Variants in PCSK5 observed in about 807,000 individuals in gnomAD.
PCSK5 encodes prohormone convertase 5.
Under a neutral mutation model 233.2 loss-of-function variants are expected in PCSK5, and 129 were observed. The observed-to-expected ratio is 0.55, with a 90% CI of 0.48 to 0.64. PCSK5 has a LOEUF of 0.64. Among genes scored for constraint, PCSK5 ranks in the 30% least tolerant of loss-of-function variants. The pLI is 0.00. For synonymous variants in PCSK5, 825 were observed against 879.2 expected (o/e 0.94, Z 1.09); for missense variants, 2,076 against 2,430.1 (o/e 0.85, Z 3.06).
At chr9:76,094,835 C>T (rs1261465634) in intron 7 of PCSK5, among the ~76,000 whole-genome samples, 1 of 152,134 alleles carries the variant, frequency 6.6e-6, no homozygotes, top group Non-Finnish European at 1.5e-5. Flanking sequence ...GTCTTGAACT[C>T]CTGACCTCAG....
chr9:76,195,930 G>T (rs1377047717), intron 20 of PCSK5: 3 of 152,118 alleles, frequency 2.0e-5, no homozygotes, highest in Non-Finnish European at 4.4e-5. Context: ...CTCTGAAAGG[G>T]TAAGGTCATG....
intron 6 of PCSK5, among the ~76,000 whole-genome samples, chr9:76,070,148 C>T (rs1368394169): frequency 2.0e-5 from 3 of 152,008 alleles, no homozygotes; most frequent in Admixed American, 2.0e-4. Flanking sequence ...ATATAGGTGC[C>T]CACCACTGCG....
chr9:76,167,981 A>G (rs1464368670), intron 12 of PCSK5, among the ~76,000 whole-genome samples: 1 of 151,714 alleles, frequency 6.6e-6, no homozygotes, highest in African/African-American at 2.4e-5. Flanking sequence ...CTCTTTTTTT[A>G]TTTTTTTCAG....
intron 24 of PCSK5, among the ~76,000 whole-genome samples, chr9:76,266,927 G>GA (rs943597712): frequency 1.5e-4 from 23 of 151,906 alleles, no homozygotes; most frequent in African/African-American, 3.6e-4. Flanking sequence ...TGTAAACCTG[G>GA]AAAAAAAATA....
At chr9:76,098,076 A>G (rs1269784072) in intron 8 of PCSK5, among the ~76,000 whole-genome samples, 3 of 152,164 alleles carry the variant, frequency 2.0e-5, no homozygotes, top group Non-Finnish European at 4.4e-5. Flanking sequence ...CTTAATCCAC[A>G]TCCATTCTAT....
rs377466528 is a variant in PCSK5, at chr9:75,988,205, T to G, written c.411+1960T>G. ...TTTCAACACATATTTGATGATAATATTACAAATACATAACATTTATTGAGC... is the reference window on the plus strand; with the variant it reads ...TTTCAACACATATTTGATGATAATAGTACAAATACATAACATTTATTGAGC... On this transcript the variant is annotated intron_variant, in intron 3 of 37. Coordinates refer to ENST00000674117, the MANE Select transcript of PCSK5 (RefSeq NM_001372043.1). Among the ~76,000 whole-genome samples the G allele has an allele frequency of 9.8e-5, 15 of 152,372 alleles. No homozygotes were observed. The South Asian group carries it at 3.1e-3, about 32-fold the overall frequency.
chr9:76,088,731 CT>C (rs1345275556), intron 7 of PCSK5, among the ~76,000 whole-genome samples: 1 of 152,140 alleles, frequency 6.6e-6, no homozygotes, highest in Non-Finnish European at 1.5e-5. Context: ...CTTCATACAC[CT>C]TTACCACGAC....
chr9:75,954,793 C>T (rs955845246), intron 2 of PCSK5, among the ~76,000 whole-genome samples: 2 of 152,094 alleles, frequency 1.3e-5, no homozygotes, highest in East Asian at 3.9e-4. Context: ...CTAGGGCTTT[C>T]TCAACAGGAG....
chr9:76,246,210 C>A (rs1338030775), intron 24 of PCSK5, among the ~76,000 whole-genome samples: 1 of 151,784 alleles, frequency 6.6e-6, no homozygotes, highest in Non-Finnish European at 1.5e-5. Flanking sequence ...AACATGATGG[C>A]TCAAACCTGT....
chr9:75,935,912 A>T (rs1051888543), intron 2 of PCSK5, among the ~76,000 whole-genome samples: 5 of 152,188 alleles, frequency 3.3e-5, no homozygotes, highest in Admixed American at 6.5e-5. Flanking sequence ...TAAATATCGT[A>T]TCTGCCAGTT....
intron 33 of PCSK5, 28 bp downstream of exon 33, chr9:76,328,267 G>C: frequency 3.3e-6 from 5 of 1,516,084 alleles, no homozygotes; most frequent in Non-Finnish European, 4.6e-6. Context: ...GGACAGCTTT[G>C]TGTTTCCATC....
intron 1 of PCSK5, among the ~76,000 whole-genome samples, chr9:75,916,654 G>A (rs551761543): frequency 1.3e-5 from 2 of 152,230 alleles, no homozygotes; most frequent in African/African-American, 4.8e-5. Context: ...GGGTTCTGAG[G>A]CTGGAAGGAA....
At chr9:76,299,081 A>G (rs1378650664) in intron 27 of PCSK5, among the ~76,000 whole-genome samples, 1 of 152,324 alleles carries the variant, frequency 6.6e-6, no homozygotes, top group East Asian at 1.9e-4. Flanking sequence ...TCTTTTAATA[A>G]GGTGGCTAAT....
At chr9:76,358,332 G>T (rs1207865540) in intron 37 of PCSK5, among the ~76,000 whole-genome samples, 181 bp from the exon 38 acceptor site, 4 of 152,034 alleles carry the variant, frequency 2.6e-5, no homozygotes, top group Non-Finnish European at 5.9e-5. Flanking sequence ...ATAGTGAGAT[G>T]CTGTCTCTAC....
chr9:76,210,025 C>T (rs1343373530), intron 20 of PCSK5, among the ~76,000 whole-genome samples: 2 of 152,056 alleles, frequency 1.3e-5, no homozygotes, highest in Admixed American at 6.6e-5. Context: ...GTATCATGGG[C>T]TTGGGGGACT....
At chr9:76,018,518 G>A (rs1828049288) in intron 3 of PCSK5, among the ~76,000 whole-genome samples, 1 of 151,980 alleles carries the variant, frequency 6.6e-6, no homozygotes, top group South Asian at 2.1e-4. Context: ...TCTAGGTTGC[G>A]TGCTTCTTAT....
At chr9:75,960,400 T>C (rs1825296258) in intron 2 of PCSK5, among the ~76,000 whole-genome samples, 1 of 152,110 alleles carries the variant, frequency 6.6e-6, no homozygotes, top group Non-Finnish European at 1.5e-5. Flanking sequence ...TCCAAAACTC[T>C]GTGGGCAGTT....
chr9:75,959,794 A>G (rs1395486392), intron 2 of PCSK5, among the ~76,000 whole-genome samples: 1 of 152,194 alleles, frequency 6.6e-6, no homozygotes, highest in Non-Finnish European at 1.5e-5. Flanking sequence ...TTGGATACTC[A>G]CCATGTGCTG....
rs551082391 is a variant in PCSK5, at chr9:76,296,523, A to G, written c.3323-142A>G. Reference sequence around the variant, plus strand: ...ATGCCACTGCACTTTAGCCTGGGCAACAGAGAGAGACTCCATCTCAAAAAT... The same window carrying G: ...ATGCCACTGCACTTTAGCCTGGGCAGCAGAGAGAGACTCCATCTCAAAAAT... On this transcript the variant is annotated intron_variant, in intron 26 of 37. Transcript: ENST00000674117. The G allele has an allele frequency of 4.0e-4, 251 of 623,908 alleles. No individual in the cohort carries two copies. The African/African-American group carries it at 4.1e-3, about 10-fold the overall frequency. The allele number at this position is 623,908 out of a possible 1,614,324, so 38.6% of individuals were successfully genotyped here. A position where few individuals can be genotyped will look rare whatever the true frequency, so the allele number is the denominator to read the frequency against.
Sources: allele counts gnomAD v4.1 joint callset (sites outside exome capture counted in the v4.1 genomes callset), GRCh38; gene constraint gnomAD v4.1.1; transcripts MANE v1.5; gene names NCBI Gene and HGNC (gene_info 2026-07-23, HGNC 2026-07-21).